BCL6: variants seen among roughly 807,000 people sequenced by gnomAD.
BCL6 encodes the protein B-cell lymphoma 6 protein.
Under a neutral mutation model 59.5 loss-of-function variants are expected in BCL6, and 7 were observed. That is an observed-to-expected ratio of 0.12 (90% CI 0.07 to 0.22). The LOEUF is 0.22. BCL6 is among the 10% of genes least tolerant of loss of function. The pLI, the probability that BCL6 is intolerant of heterozygous loss-of-function variation, is 1.00. For synonymous variants in BCL6, 339 were observed against 349.7 expected, an observed-to-expected ratio of 0.97 and a Z score of 0.34; for missense variants, 685 against 939.4, an observed-to-expected ratio of 0.73 and a Z score of 3.54.
chr3:187,743,735 T>G, intron 1 of BCL6, among the ~76,000 whole-genome samples: 1 of 46,650 alleles, frequency 2.1e-5, no homozygotes, highest in Admixed American at 2.5e-4. Flanking sequence ...CCCCCCGCCC[T>G]TTCTCCCCGC....
chr3:187,728,914 C>T, intron 5 of BCL6, 136 bp downstream of exon 5: 3 of 1,235,884 alleles, frequency 2.4e-6, no homozygotes, highest in Non-Finnish European at 2.2e-6. Flanking sequence ...TACTTCCTTA[C>T]TCAGACTAAC....
intron 1 of BCL6, among the ~76,000 whole-genome samples, chr3:187,744,095 A>C (rs1356134907): frequency 1.3e-5 from 2 of 152,104 alleles, no homozygotes; most frequent in Non-Finnish European, 2.9e-5. Flanking sequence ...TCAGGCCCGC[A>C]GTTCCCTTTT....
Position 187,724,923 on chromosome 3 carries a change from C to G in BCL6, c.1977+18G>C. ...ACATCCCCGCAGGTCAGAGAGCGGC[C>G]TCAAGAGGCTTACGTACATGGTAAG... is the stretch of plus-strand genomic sequence containing the variant. On this transcript the variant is annotated intron_variant, in intron 9 of 9. Transcript: ENST00000406870. 6.2e-7 allele frequency: 1 copy of G among 1,614,116 alleles called. No homozygotes were observed. Among genetic ancestry groups the G allele is most frequent in the Non-Finnish European group, 8.5e-7 (1 of 1,179,978 alleles).
intron 1 of BCL6, among the ~76,000 whole-genome samples, chr3:187,745,157 T>C (rs1711875917): frequency 2.6e-5 from 4 of 152,196 alleles, no homozygotes; most frequent in East Asian, 1.9e-4. Flanking sequence ...CTATATCCTA[T>C]GGTGGGAGAG....
rs772207599 is a variant in BCL6 at position 187,726,771 on chromosome 3, G to A, written c.1668C>T (p.Arg556=). The part of the protein sequence containing the change: ...YKCDRCQASF[R]YKGNLASHKT... The stretch of plus-strand genomic sequence containing the variant: ...TGTGGCTGGCGAGGTTGCCCTTGTA[G>A]CGGAAGGAGGCCTGGCAGCGGTCAC... The change falls in exon 7 of 10, where the codon CGC becomes CGT. Residue 556 remains arginine (R), a synonymous_variant. Transcript: ENST00000406870. 1 of 1,614,126 alleles carries A rather than the reference G, an allele frequency of 6.2e-7. No homozygotes were observed. Among genetic ancestry groups the A allele is most frequent in the Non-Finnish European group, 8.5e-7 (1 of 1,180,028 alleles).
At chr3:187,744,846 A>G (rs567977881) in intron 1 of BCL6, among the ~76,000 whole-genome samples, 5 of 152,200 alleles carry the variant, frequency 3.3e-5, no homozygotes, top group East Asian at 3.9e-4. Context: ...GAAAAGAGGG[A>G]AAAAACACAG....
intron 1 of BCL6, among the ~76,000 whole-genome samples, chr3:187,744,053 C>T (rs1711745072): frequency 6.6e-6 from 1 of 152,128 alleles, no homozygotes; most frequent in Admixed American, 6.5e-5. Flanking sequence ...AGGTAAGGAC[C>T]TCGGGAATCT....
In BCL6 at chr3:187,729,930, C is replaced by T; in HGVS notation, c.475G>A (p.Gly159Ser). ...AGGTTGTTCTCCACCACCTCACGAC[C>T]CCGATAGGCCATGATGTCTTGGGGC... ...LMPQDIMAYRGREVVENNLPL... is the reference protein window; with the variant it reads ...LMPQDIMAYRSREVVENNLPL... Residue 159 changes from glycine to serine, a missense_variant, in exon 5 of 10, where the codon GGT (glycine) becomes AGT (serine). Around this residue, in one of 7 missense-constraint regions of BCL6, gnomAD observed 268 missense variants for 263.8 expected, o/e 1.02. Transcript: ENST00000406870. The surrounding 1 kb of genome is among the most constrained non-coding windows in gnomAD (Gnocchi z 5.6). 6.2e-7 allele frequency: 1 copy of T among 1,613,960 alleles called. No individual in the cohort carries two copies. The highest frequency in any genetic ancestry group is 1.1e-5 in the South Asian group (1 of 91,038).
At chr3:187,734,049 T>G (rs1477184192) in intron 2 of BCL6, among the ~76,000 whole-genome samples, 1 of 152,144 alleles carries the variant, frequency 6.6e-6, no homozygotes, top group Admixed American at 6.5e-5. Context: ...TGTTTTTGTT[T>G]TTGTTTTTTG....
rs1420986340 is a variant in BCL6, at chr3:187,722,374, G to A, written c.*84C>T. ...GTGGATGAAAGAGGCACTACATCAT[G>A]GGATGAACATTGTAAAGTGTTACAG... On this transcript the variant is annotated 3_prime_UTR_variant, in exon 10 of 10. Transcript: ENST00000406870. The A allele has an allele frequency of 1.7e-6, 2 of 1,152,508 alleles. No homozygotes were observed. Among genetic ancestry groups the A allele is most frequent in the Non-Finnish European group, 2.2e-6 (2 of 903,936 alleles). The allele number at this position is 1,152,508 out of a possible 1,614,324, so 71.4% of individuals were successfully genotyped here.
intron 4 of BCL6, among the ~76,000 whole-genome samples, chr3:187,730,514 A>G (rs766553920): frequency 7.2e-5 from 11 of 152,248 alleles, no homozygotes; most frequent in Non-Finnish European, 1.5e-4. Context: ...CGAGTAGCCT[A>G]CTGAAGAAAG....
chr3:187,745,227 TAC>T, intron 1 of BCL6, among the ~76,000 whole-genome samples, 181 bp downstream of exon 1: 1 of 152,130 alleles, frequency 6.6e-6, no homozygotes, highest in African/African-American at 2.4e-5. Context: ...AATAAATATA[TAC>T]ATTTATATCA....
rs1017638278 is a variant in BCL6, at chr3:187,729,011, T to A, written c.1355+39A>T. 14 of 1,507,870 alleles carry A rather than the reference T, an allele frequency of 9.3e-6. No homozygotes were observed. The highest frequency in any genetic ancestry group is 2.8e-5 in the African/African-American group (2 of 71,502). 93.4% of individuals were successfully genotyped at this position (1,507,870 alleles called of 1,614,324 possible). On this transcript the variant is annotated intron_variant, in intron 5 of 9. Coordinates refer to ENST00000406870, the MANE Select transcript of BCL6 (RefSeq NM_001706.5). The surrounding 1 kb of genome is among the most constrained non-coding windows in gnomAD (Gnocchi z 5.6). ...GAAACGACATGGAACCCTGCCCAGG[T>A]AACCCCTGACCTCAGACCCAGACAG... is the stretch of plus-strand genomic sequence containing the variant.
chr3:187,728,906 CT>C, intron 5 of BCL6, 143 bp downstream of exon 5: 1 of 1,173,040 alleles, frequency 8.5e-7, no homozygotes, highest in Non-Finnish European at 1.1e-6. Flanking sequence ...GTGTAAAATA[CT>C]TCCTTACTCA....
At chr3:187,726,398 T>A (rs919046405) in intron 7 of BCL6, among the ~76,000 whole-genome samples, 1 of 152,058 alleles carries the variant, frequency 6.6e-6, no homozygotes, top group African/African-American at 2.4e-5. Context: ...ATCAACAGGC[T>A]TTTTTTTCTG....
chr3:187,728,496 G>C lies in BCL6; in HGVS notation c.1404C>G (p.Leu468=), dbSNP rs2108562143. 1 of 1,611,258 alleles carries C rather than the reference G, an allele frequency of 6.2e-7. No individual in the cohort carries two copies. Among genetic ancestry groups the C allele is most frequent in the Non-Finnish European group, 8.5e-7 (1 of 1,179,520 alleles). ...PRSSSESHSP[L]YMHPPKCTSC... ...ACGTGCACTTCGGGGGGTGCATGTA[G>C]AGTGGTGAGTGGCTCTCGCTGCTGC... The change falls in exon 6 of 10, where the codon CTC becomes CTG. Residue 468 remains leucine (L), a synonymous_variant. Coordinates refer to ENST00000406870, the MANE Select transcript of BCL6 (RefSeq NM_001706.5).
rs148348997 is a variant in BCL6, at chr3:187,731,827, A to G, written c.265T>C (p.Phe89Leu). Residue 89 changes from phenylalanine to leucine, a missense_variant, in exon 4 of 10, where the codon TTC becomes CTC. Around this residue, in one of 7 missense-constraint regions of BCL6, gnomAD observed 102 missense variants for 176.6 expected, o/e 0.58. Transcript: ENST00000406870. ...NPEGFCILLD[F>L]MYTSRLNLRE... The stretch of plus-strand genomic sequence containing the variant: ...AAATTGAGCCGAGATGTGTACATGA[A>G]GTCCAGGAGGATGCAGAATCCCTCA... The G allele has an allele frequency of 6.2e-7, 1 of 1,614,088 alleles. No homozygotes were observed. Among genetic ancestry groups the G allele is most frequent in the Non-Finnish European group, 8.5e-7 (1 of 1,180,040 alleles).
chr3:187,734,391 G>A (rs961956711), intron 2 of BCL6: 3 of 152,886 alleles, frequency 2.0e-5, no homozygotes, highest in East Asian at 1.9e-4. Flanking sequence ...TTTGCTAGCT[G>A]TGGGACTTTA....
rs780442173 is a variant in BCL6 at position 187,729,128 on chromosome 3, T to C, written c.1277A>G (p.Gln426Arg). 3.8e-6 allele frequency: 6 copies of C among 1,588,052 alleles called. No individual in the cohort carries two copies. The highest frequency in any genetic ancestry group is 5.1e-6 in the Non-Finnish European group (6 of 1,165,606). Reference protein sequence around the residue: ...PPMEPENLDLQSPTKLSASGE... With the variant: ...PPMEPENLDLRSPTKLSASGE... ...GCTGGCACTCAGCTTGGTTGGGGACTGGAGGTCAAGGTTCTCAGGCTCCAT... is the reference window on the plus strand; with the variant it reads ...GCTGGCACTCAGCTTGGTTGGGGACCGGAGGTCAAGGTTCTCAGGCTCCAT... The change falls in exon 5 of 10, where the codon CAG (glutamine) becomes CGG (arginine). Residue 426 changes from glutamine (Q) to arginine (R), a missense_variant. Gln to Arg is a conservative substitution (Grantham distance 43). Transcript: ENST00000406870. The surrounding 1 kb of genome is among the most constrained non-coding windows in gnomAD (Gnocchi z 5.6).
Sources: allele counts gnomAD v4.1 joint callset (sites outside exome capture counted in the v4.1 genomes callset), GRCh38; gene constraint gnomAD v4.1.1; regional missense constraint gnomAD v4.1.1; non-coding constraint Gnocchi (gnomAD v3.1); transcripts MANE v1.5; gene names NCBI Gene and HGNC (gene_info 2026-07-23, HGNC 2026-07-21).